Variants in CSNK2A2 observed in about 807,000 individuals in gnomAD.
CSNK2A2 encodes the protein casein kinase 2 alpha 2.
In CSNK2A2, 8 loss-of-function variants were observed where a neutral mutation model predicts 54.0. The ratio of observed to expected loss-of-function variants is 0.15; its 90% CI spans 0.09 to 0.27. The LOEUF (loss-of-function observed/expected upper bound fraction) is 0.27. Among genes scored for constraint, CSNK2A2 ranks in the 10% least tolerant of loss-of-function variants. The probability of loss-of-function intolerance (pLI) is 1.00; values close to 1 mark genes in which losing one functional copy is unlikely to be tolerated. For missense variants in CSNK2A2, 242 were observed against 439.4 expected (o/e 0.55, Z 4.02); for synonymous variants, 141 against 153.9 (o/e 0.92, Z 0.62).
At chr16:58,171,436 C>G (rs113333575) in intron 5 of CSNK2A2, among the ~76,000 whole-genome samples, 2 of 151,902 alleles carry the variant, frequency 1.3e-5, no homozygotes, top group African/African-American at 4.8e-5. Flanking sequence ...GGCGGGAGAA[C>G]TGCTTGAACC....
At chr16:58,182,606 A>C (rs564283375) in intron 4 of CSNK2A2, among the ~76,000 whole-genome samples, 1 of 152,052 alleles carries the variant, frequency 6.6e-6, no homozygotes, top group South Asian at 2.1e-4. Context: ...GAAATTTTAC[A>C]CATGTAGCAG....
chr16:58,164,457 T>C (rs1328257369), intron 10 of CSNK2A2, among the ~76,000 whole-genome samples: 3 of 152,160 alleles, frequency 2.0e-5, no homozygotes, highest in African/African-American at 7.2e-5. Context: ...AATATTAATA[T>C]CATCTCTAAC....
chr16:58,180,200 T>C lies in CSNK2A2; in HGVS notation c.369+4060A>G, dbSNP rs1486647860. 4.0e-5 allele frequency among the ~76,000 whole-genome samples: 6 copies of C among 150,116 alleles called. No individual in the cohort carries two copies. The East Asian group carries it at 1.2e-3, about 29-fold the overall frequency. ...GAAGGAAGAAAGAAGAAAAATAAGA[T>C]AGGAGCAGAAAGAGAAAAACAAACA... On this transcript the variant is annotated intron_variant, in intron 4 of 11. Transcript: ENST00000262506.
intron 2 of CSNK2A2, among the ~76,000 whole-genome samples, chr16:58,194,099 A>G (rs2142453599): frequency 6.6e-6 from 1 of 152,360 alleles, no homozygotes; most frequent in East Asian, 1.9e-4. Flanking sequence ...TACAAAAGTA[A>G]GACCACTTGT....
intron 4 of CSNK2A2, among the ~76,000 whole-genome samples, chr16:58,174,873 C>T (rs9302697): frequency 0.093 from 13,701 of 147,496 alleles, 1,709 homozygotes; most frequent in African/African-American, 0.28. Flanking sequence ...AAAACTAACC[C>T]CACTGTAACA....
intron 5 of CSNK2A2, 104 bp downstream of exon 5, chr16:58,174,347 T>C (rs1014971509): frequency 1.3e-6 from 1 of 754,266 alleles, no homozygotes; most frequent in Non-Finnish European, 2.1e-6. Flanking sequence ...CTAAATCCTC[T>C]GGGTATCAAG....
In CSNK2A2 at chr16:58,195,982, C is replaced by T. The variant is rs1327916271; in HGVS notation, c.216+751G>A. 3.3e-5 allele frequency among the ~76,000 whole-genome samples: 5 copies of T among 152,230 alleles called. No homozygotes were observed. In the East Asian group the frequency reaches 9.6e-4, roughly 29 times the overall value. ...CCAAAGGAAAAAAACAAGTGATTATCCGCTAAGGAATTTCCTTCCACTTGG... is the reference window on the plus strand; with the variant it reads ...CCAAAGGAAAAAAACAAGTGATTATTCGCTAAGGAATTTCCTTCCACTTGG... On this transcript the variant is annotated intron_variant, in intron 2 of 11. Transcript: ENST00000262506.
At chr16:58,178,992 C>T (rs1961953852) in intron 4 of CSNK2A2, among the ~76,000 whole-genome samples, 1 of 152,134 alleles carries the variant, frequency 6.6e-6, no homozygotes, top group African/African-American at 2.4e-5. Context: ...CTATAAAGAA[C>T]ATTACTGAAA....
chr16:58,168,981 C>T (rs1381021238), intron 5 of CSNK2A2, among the ~76,000 whole-genome samples: 1 of 151,072 alleles, frequency 6.6e-6, no homozygotes, highest in East Asian at 2.0e-4. Flanking sequence ...GGCTGGAGTG[C>T]AGTGGTGCAA....
At chr16:58,176,629 G>C (rs1363297181) in intron 4 of CSNK2A2, among the ~76,000 whole-genome samples, 2 of 152,090 alleles carry the variant, frequency 1.3e-5, no homozygotes, top group African/African-American at 2.4e-5. Context: ...CCACAGCTCT[G>C]ACAAAACAAG....
intron 10 of CSNK2A2, among the ~76,000 whole-genome samples, chr16:58,164,371 G>A (rs1214953077): frequency 1.3e-5 from 2 of 152,128 alleles, no homozygotes; most frequent in African/African-American, 2.4e-5. Context: ...ACCCTTCCTC[G>A]GAGTACAGAC....
At chr16:58,180,157 T>C (rs1257151231) in intron 4 of CSNK2A2, among the ~76,000 whole-genome samples, 1 of 149,772 alleles carries the variant, frequency 6.7e-6, no homozygotes, top group Non-Finnish European at 1.5e-5. Context: ...AGAAAACCAC[T>C]GAAAGCCCAA....
At chr16:58,159,448 G>GA (rs1222018463) in intron 11 of CSNK2A2, 1 of 152,212 alleles carries the variant, frequency 6.6e-6, no homozygotes. Context: ...TCTGCCAAAG[G>GA]AAAGTTTTCA....
intron 4 of CSNK2A2, among the ~76,000 whole-genome samples, chr16:58,181,003 T>G (rs1962024910): frequency 1.3e-5 from 2 of 152,212 alleles, no homozygotes; most frequent in Non-Finnish European, 2.9e-5. Context: ...CATGATTTGC[T>G]CTTCAAAAAT....
chr16:58,172,455 C>T (rs1479709821), intron 5 of CSNK2A2, among the ~76,000 whole-genome samples: 1 of 152,172 alleles, frequency 6.6e-6, no homozygotes, highest in African/African-American at 2.4e-5. Context: ...GCCTCAGTTG[C>T]TTCTACATTT....
chr16:58,167,854 G>A, intron 6 of CSNK2A2, 59 bp from the exon 7 acceptor site: 2 of 1,289,414 alleles, frequency 1.6e-6, no homozygotes, highest in Non-Finnish European at 1.1e-6. Flanking sequence ...CTATGCCTTA[G>A]AACAAGGCCA....
At position 58,164,153 on chromosome 16, in the gene CSNK2A2, A is replaced by G. The variant is rs1381965858; in HGVS notation, c.977-6T>C. Reference sequence around the variant, plus strand: ...CTGCTCCTTCACCACAGGGTCTGCAAGAAAGCAGGAGGAAAGTCAGGCAAT... The same window carrying G: ...CTGCTCCTTCACCACAGGGTCTGCAGGAAAGCAGGAGGAAAGTCAGGCAAT... On this transcript the variant is annotated splice_polypyrimidine_tract_variant and splice_region_variant and intron_variant, in intron 10 of 11. Coordinates refer to ENST00000262506, the MANE Select transcript of CSNK2A2 (RefSeq NM_001896.4). 4 of 1,613,524 alleles carry G rather than the reference A, an allele frequency of 2.5e-6. No homozygotes were observed.
At chr16:58,173,051 C>A (rs1000530764) in intron 5 of CSNK2A2, among the ~76,000 whole-genome samples, 3 of 152,154 alleles carry the variant, frequency 2.0e-5, no homozygotes, top group African/African-American at 7.2e-5. Flanking sequence ...AATTGTAGCT[C>A]TCATGGGGTG....
intron 4 of CSNK2A2, among the ~76,000 whole-genome samples, chr16:58,182,398 A>G (rs985640325): frequency 7.1e-5 from 10 of 141,656 alleles, no homozygotes; most frequent in African/African-American, 2.3e-4. Context: ...AAAAAAAAAA[A>G]AAAAAAACTA....
Sources: allele counts gnomAD v4.1 joint callset (sites outside exome capture counted in the v4.1 genomes callset), GRCh38; gene constraint gnomAD v4.1.1; transcripts MANE v1.5; gene names NCBI Gene and HGNC (gene_info 2026-07-23, HGNC 2026-07-21).